Variants in ARFGEF1 observed in about 807,000 individuals in gnomAD.
The protein encoded by ARFGEF1 is brefeldin A-inhibited guanine nucleotide-exchange protein 1.
Under a neutral mutation model 231.0 loss-of-function variants are expected in ARFGEF1, and 42 were observed. The ratio of observed to expected loss-of-function variants is 0.18; its 90% CI spans 0.14 to 0.24. The LOEUF (loss-of-function observed/expected upper bound fraction) is 0.24, where lower values mean the gene tolerates loss of function less well. Among genes scored for constraint, ARFGEF1 ranks in the 10% least tolerant of loss-of-function variants. The pLI, the probability that ARFGEF1 is intolerant of heterozygous loss-of-function variation, is 1.00. For missense variants in ARFGEF1, 1,345 were observed against 2,192.0 expected (o/e 0.61, Z 7.72); for synonymous variants, 710 against 732.3 (o/e 0.97, Z 0.49).
At chr8:67,264,537 G>A (rs1477989562) in intron 14 of ARFGEF1, among the ~76,000 whole-genome samples, 1 of 152,044 alleles carries the variant, frequency 6.6e-6, no homozygotes, top group Non-Finnish European at 1.5e-5. Context: ...AAGGGCTGAG[G>A]AACAGAACGC....
At chr8:67,251,822 T>C (rs1293903256) in intron 18 of ARFGEF1, among the ~76,000 whole-genome samples, 1 of 152,014 alleles carries the variant, frequency 6.6e-6, no homozygotes, top group Non-Finnish European at 1.5e-5. Context: ...TTTTATGTTC[T>C]ATGAATTTCA....
chr8:67,320,266 A>C (rs1286218264), intron 1 of ARFGEF1, among the ~76,000 whole-genome samples: 1 of 149,708 alleles, frequency 6.7e-6, no homozygotes, highest in Non-Finnish European at 1.5e-5. Context: ...CAACATAATT[A>C]GCCATTAAGA....
chr8:67,202,144 C>G (rs1447977451), intron 36 of ARFGEF1, among the ~76,000 whole-genome samples: 1 of 152,214 alleles, frequency 6.6e-6, no homozygotes, highest in East Asian at 1.9e-4. Context: ...ACATTAAGCA[C>G]CAAACCCTTT....
At chr8:67,235,432 A>G (rs975608593) in intron 22 of ARFGEF1, among the ~76,000 whole-genome samples, 2 of 152,206 alleles carry the variant, frequency 1.3e-5, no homozygotes, top group Admixed American at 1.3e-4. Flanking sequence ...GAGAGGGCAT[A>G]TTTAGGTTAA....
At chr8:67,178,415 G>C (rs1007239106) in intron 5 of ARFGEF1, among the ~76,000 whole-genome samples, 1 of 152,192 alleles carries the variant, frequency 6.6e-6, no homozygotes, top group African/African-American at 2.4e-5. Flanking sequence ...ACAAGAAACT[G>C]TTCTAGGTGC....
At chr8:67,262,831 G>C (rs551252670) in intron 14 of ARFGEF1, among the ~76,000 whole-genome samples, 3 of 152,162 alleles carry the variant, frequency 2.0e-5, no homozygotes, top group African/African-American at 7.2e-5. Flanking sequence ...TTGTTTTTTA[G>C]ACATAAGGGG....
chr8:67,260,323 C>G (rs887294473), intron 14 of ARFGEF1, among the ~76,000 whole-genome samples: 1 of 152,092 alleles, frequency 6.6e-6, no homozygotes, highest in South Asian at 2.1e-4. Context: ...TTCACAGATA[C>G]GTGTTTTTTA....
chr8:67,277,333 A>G lies in ARFGEF1; in HGVS notation c.1152T>C (p.Tyr384=), dbSNP rs759437639. Residue 384 remains tyrosine (Y), a synonymous_variant, in exon 8 of 39, where the codon TAT becomes TAC. Transcript: ENST00000262215. The stretch of plus-strand genomic sequence containing the variant: ...ATCTATCATCAGGTAAGGATGGTGT[A>G]TATGCAACAGAAATTGGTGTTCCTG... ...GIPGTPISVA[Y]TPSLPDDRLS... 4 of 1,613,752 alleles carry G rather than the reference A, an allele frequency of 2.5e-6. No homozygotes were observed. The highest frequency in any genetic ancestry group is 3.4e-6 in the Non-Finnish European group (4 of 1,179,790).
chr8:67,175,475 C>A (rs62513125), downstream of ARFGEF1: 1 of 1,610,694 alleles, frequency 6.2e-7, no homozygotes, highest in South Asian at 1.1e-5. Context: ...AGTATCAGCA[C>A]GCTGTTTTTC....
chr8:67,266,262 G>GT, intron 13 of ARFGEF1, 55 bp from the exon 14 acceptor site: 3 of 1,438,444 alleles, frequency 2.1e-6, no homozygotes, highest in Non-Finnish European at 2.9e-6. Flanking sequence ...AAAAAAAAGT[G>GT]TAAGGGCAAA....
intron 1 of ARFGEF1, among the ~76,000 whole-genome samples, chr8:67,319,902 T>C (rs1807499574): frequency 6.6e-6 from 1 of 152,012 alleles, no homozygotes; most frequent in Non-Finnish European, 1.5e-5. Context: ...CCAAAGAGGA[T>C]ATGCACATGG....
At chr8:67,236,360 AAAAAAATATATATAT>A (rs1426526961) in intron 22 of ARFGEF1, among the ~76,000 whole-genome samples, 13 of 43,284 alleles carry the variant, frequency 3.0e-4, no homozygotes, top group African/African-American at 1.3e-3. Flanking sequence ...AAAAAAAAAA[AAAAAAATATATATAT>A]ATATATATAT....
intron 11 of ARFGEF1, 52 bp from the exon 12 acceptor site, chr8:67,267,282 A>T: frequency 1.9e-6 from 3 of 1,595,046 alleles, no homozygotes; most frequent in Non-Finnish European, 2.6e-6. Context: ...ATATGAGTAC[A>T]TTTGGCCTTT....
At chr8:67,235,887 T>A (rs1839715505) in intron 22 of ARFGEF1, among the ~76,000 whole-genome samples, 2 of 152,066 alleles carry the variant, frequency 1.3e-5, no homozygotes, top group African/African-American at 4.8e-5. Flanking sequence ...AGTTTCGTAT[T>A]TCCAAAAAGT....
rs545837683 is a variant in ARFGEF1, at chr8:67,321,707, G to A, written c.125-19241C>T. Among the ~76,000 whole-genome samples the A allele has an allele frequency of 7.2e-4, 109 of 152,168 alleles. 1 individual carries two copies. Among genetic ancestry groups the A allele is most frequent in the Admixed American group, 3.5e-3 (53 of 15,288 alleles). ...GATCTCCTGACTTCGTGATCCGCCC[G>A]CCTCAGCCTCCCAAAGTGCTGGGAT... On this transcript the variant is annotated intron_variant, in intron 1 of 38. Transcript: ENST00000262215.
chr8:67,190,766 A>C (rs1446774465), intron 5 of ARFGEF1: 10 of 1,585,596 alleles, frequency 6.3e-6, no homozygotes, highest in Non-Finnish European at 8.7e-6. Flanking sequence ...CATTGTATGT[A>C]TGAGACTTTT....
chr8:67,204,460 G>A (rs1838442443), intron 35 of ARFGEF1, among the ~76,000 whole-genome samples: 1 of 152,052 alleles, frequency 6.6e-6, no homozygotes, highest in Non-Finnish European at 1.5e-5. Context: ...TCATCTCCAG[G>A]AGCTGTAGAG....
At chr8:67,276,670 G>A (rs1246873351) in intron 8 of ARFGEF1, among the ~76,000 whole-genome samples, 1 of 152,122 alleles carries the variant, frequency 6.6e-6, no homozygotes, top group Non-Finnish European at 1.5e-5. Flanking sequence ...TGATTTCTTT[G>A]CAGCCCTGAA....
intron 1 of ARFGEF1, among the ~76,000 whole-genome samples, chr8:67,322,074 T>C (rs1807623358): frequency 6.6e-6 from 1 of 152,180 alleles, no homozygotes; most frequent in African/African-American, 2.4e-5. Context: ...GCTCAAATGG[T>C]GTCCTCTGCC....
Sources: gnomAD v4.1 joint callset for allele counts (sites outside exome capture counted in the v4.1 genomes callset) on GRCh38, gnomAD v4.1.1 for gene constraint, MANE v1.5 for transcripts, NCBI Gene and HGNC (gene_info 2026-07-23, HGNC 2026-07-21) for gene names.